Variants in SHISA6 observed in about 807,000 individuals in gnomAD.
The protein encoded by SHISA6 is protein shisa-6.
Under a neutral mutation model 47.9 loss-of-function variants are expected in SHISA6, and 22 were observed. That is an observed-to-expected ratio of 0.46 (90% CI 0.33 to 0.66). SHISA6 has a LOEUF of 0.66. SHISA6 is among the 30% of genes least tolerant of loss of function. The pLI is 0.02. For missense variants in SHISA6, 680 were observed against 764.6 expected (o/e 0.89, Z 1.30); for synonymous variants, 388 against 337.8 (o/e 1.15, Z -1.63).
intron 3 of SHISA6, among the ~76,000 whole-genome samples, chr17:11,498,981 G>A (rs760531273): frequency 3.9e-5 from 6 of 152,164 alleles, no homozygotes; most frequent in Non-Finnish European, 7.3e-5. Flanking sequence ...GGGAAAGAGC[G>A]AGGCAGAGGT....
At chr17:11,552,930 G>T (rs997799279) in intron 4 of SHISA6, among the ~76,000 whole-genome samples, 2 of 152,144 alleles carry the variant, frequency 1.3e-5, no homozygotes, top group African/African-American at 4.8e-5. Flanking sequence ...GTTGACAGTG[G>T]GAAAAGAAAG....
At chr17:11,402,958 C>T (rs1485377313) in intron 3 of SHISA6, among the ~76,000 whole-genome samples, 1 of 152,184 alleles carries the variant, frequency 6.6e-6, no homozygotes, top group Non-Finnish European at 1.5e-5. Flanking sequence ...TTCGTGGAAC[C>T]TTCTGCAATG....
intron 1 of SHISA6, among the ~76,000 whole-genome samples, chr17:11,247,105 T>C (rs1266449104): frequency 2.0e-5 from 3 of 152,194 alleles, no homozygotes; most frequent in African/African-American, 7.2e-5. Flanking sequence ...GAAAAAAGCC[T>C]AATTCATTGT....
At chr17:11,374,749 C>T (rs1302292126) in intron 2 of SHISA6, among the ~76,000 whole-genome samples, 1 of 151,844 alleles carries the variant, frequency 6.6e-6, no homozygotes, top group East Asian at 1.9e-4. Flanking sequence ...GCACTTAATA[C>T]TAGTACTTAA....
chr17:11,479,206 C>T (rs1916150026), intron 3 of SHISA6, among the ~76,000 whole-genome samples: 1 of 151,846 alleles, frequency 6.6e-6, no homozygotes, highest in Non-Finnish European at 1.5e-5. Flanking sequence ...CCATTGCACT[C>T]CAGCCTGGGT....
rs997612772 is a variant in SHISA6 at position 11,241,335 on chromosome 17, G to A, written c.-88G>A. On this transcript the variant is annotated 5_prime_UTR_variant, in exon 1 of 6. Coordinates refer to ENST00000441885, the MANE Select transcript of SHISA6 (RefSeq NM_207386.4). This position sits in a 1 kb window ranked among gnomAD's most constrained non-coding sequence, Gnocchi z 5.5. ...GCTGACCGCTCAGCGCCTCCAGCCC[G>A]GCCCGCGCGGCGGGTCCTCCGAGCC... 7 of 855,532 alleles carry A rather than the reference G, an allele frequency of 8.2e-6. No individual in the cohort carries two copies. Among genetic ancestry groups the A allele is most frequent in the South Asian group, 5.2e-5 (1 of 19,250 alleles). The allele number at this position is 855,532 out of a possible 1,614,324, so 53.0% of individuals were successfully genotyped here.
chr17:11,345,931 C>A (rs1911688553), intron 2 of SHISA6, among the ~76,000 whole-genome samples: 1 of 152,008 alleles, frequency 6.6e-6, no homozygotes, highest in African/African-American at 2.4e-5. Context: ...CTCTTTCTTT[C>A]CAATTTGCTT....
At chr17:11,463,531 G>T (rs1453195714) in intron 3 of SHISA6, among the ~76,000 whole-genome samples, 1 of 152,184 alleles carries the variant, frequency 6.6e-6, no homozygotes, top group East Asian at 1.9e-4. Flanking sequence ...GCTTTTAACA[G>T]AATCTTTTCC....
Position 11,299,930 on chromosome 17 carries a change from G to T in SHISA6, c.799+36404G>T, listed in dbSNP as rs1310495495. Among the ~76,000 whole-genome samples, 4 of 152,182 alleles carry T rather than the reference G, an allele frequency of 2.6e-5. No homozygotes were observed. The South Asian group carries it at 8.3e-4, about 32-fold the overall frequency. ...GGAGGCTGAGGTGGGCAGATCACGA[G>T]GTAAGGAGATCAAGACCATCCTGGC... On this transcript the variant is annotated intron_variant, in intron 2 of 5. Transcript: ENST00000441885.
intron 3 of SHISA6, among the ~76,000 whole-genome samples, chr17:11,480,069 A>G (rs1011602557): frequency 2.0e-5 from 3 of 152,108 alleles, no homozygotes; most frequent in Admixed American, 6.5e-5. Context: ...ACAGGATTCT[A>G]GGTTGGTGGT....
chr17:11,271,672 C>T (rs960344481), intron 2 of SHISA6, among the ~76,000 whole-genome samples: 21 of 144,926 alleles, frequency 1.4e-4, no homozygotes, highest in African/African-American at 5.7e-4. Context: ...GTTGGCCAGG[C>T]TGGTTTCTAA....
chr17:11,279,868 T>TA (rs1327131472), intron 2 of SHISA6, among the ~76,000 whole-genome samples: 1 of 152,080 alleles, frequency 6.6e-6, no homozygotes, highest in East Asian at 1.9e-4. Flanking sequence ...CAGTTTTCAT[T>TA]AGCAGGCTCA....
At chr17:11,242,252 A>G (rs370221349) in intron 1 of SHISA6, among the ~76,000 whole-genome samples, 192 bp downstream of exon 1, 5 of 152,218 alleles carry the variant, frequency 3.3e-5, no homozygotes, top group South Asian at 2.1e-4. Context: ...AGAACCGGGA[A>G]TGCATGCTTT....
intron 3 of SHISA6, among the ~76,000 whole-genome samples, chr17:11,443,153 T>C (rs1915137848): frequency 6.6e-6 from 1 of 152,188 alleles, no homozygotes; most frequent in Admixed American, 6.5e-5. Flanking sequence ...AAGCCTTGTC[T>C]TCAGGAGTCT....
chr17:11,258,652 T>G (rs1908107604), intron 1 of SHISA6, among the ~76,000 whole-genome samples: 1 of 152,188 alleles, frequency 6.6e-6, no homozygotes, highest in Non-Finnish European at 1.5e-5. Context: ...GGCCCTCACT[T>G]CCCACTGGCC....
At chr17:11,424,363 C>T (rs564000059) in intron 3 of SHISA6, among the ~76,000 whole-genome samples, 2 of 152,028 alleles carry the variant, frequency 1.3e-5, no homozygotes, top group Non-Finnish European at 2.9e-5. Context: ...TGTATGAAAT[C>T]ATCATCAACC....
At chr17:11,530,296 T>C (rs942103049) in intron 3 of SHISA6, among the ~76,000 whole-genome samples, 2 of 152,162 alleles carry the variant, frequency 1.3e-5, no homozygotes, top group South Asian at 4.1e-4. Flanking sequence ...TTACAATGTA[T>C]TGATGTAGCT....
rs116676455 is a variant in SHISA6, at chr17:11,309,139, A to C, written c.799+45613A>C. Among the ~76,000 whole-genome samples the C allele has an allele frequency of 6.2e-3, 941 of 152,128 alleles. 11 individuals are homozygous for C. Among genetic ancestry groups the C allele is most frequent in the African/African-American group, 0.021 (883 of 41,504 alleles). ...GCCACCATGCTTAGCCAATTTAAAA[A>C]ATGATTTTAGAGATGGGGTCTTGCT... On this transcript the variant is annotated intron_variant, in intron 2 of 5. Transcript: ENST00000441885.
At chr17:11,477,753 C>T (rs1916091011) in intron 3 of SHISA6, among the ~76,000 whole-genome samples, 1 of 150,690 alleles carries the variant, frequency 6.6e-6, no homozygotes, top group South Asian at 2.1e-4. Flanking sequence ...ATGAACTCAT[C>T]ATTTTTTATG....
Sources: allele counts gnomAD v4.1 joint callset (sites outside exome capture counted in the v4.1 genomes callset), GRCh38; gene constraint gnomAD v4.1.1; non-coding constraint Gnocchi (gnomAD v3.1); transcripts MANE v1.5; gene names NCBI Gene and HGNC (gene_info 2026-07-23, HGNC 2026-07-21).